The following CHST1 variants were observed in gnomAD, a reference collection of about 807,000 sequenced individuals.
CHST1 encodes the protein Keratan sulfotransferase.
A neutral mutation model predicts 22.5 loss-of-function variants in CHST1; 10 were observed. The ratio of observed to expected loss-of-function variants is 0.44; its 90% confidence interval spans 0.27 to 0.75. CHST1 has a LOEUF of 0.75. Ranked by LOEUF, CHST1 falls within the 30% of genes least tolerant of loss-of-function variation. The probability of loss-of-function intolerance (pLI) is 0.15; values close to 1 mark genes in which losing one functional copy is unlikely to be tolerated. For missense variants in CHST1, 439 were observed against 576.1 expected (o/e 0.76, Z 2.44); for synonymous variants, 267 against 264.5 (o/e 1.01, Z -0.09).
In CHST1 at chr11:45,650,126, G is replaced by T; in HGVS notation, c.798C>A (p.Asn266Lys). Reference sequence around the variant, plus strand: ...CCGTGGTCAGCTGCGTCACGTCCAGGTTGTAGGGTTTCCTCCCGGTGCCGT... The same window carrying T: ...CCGTGGTCAGCTGCGTCACGTCCAGTTTGTAGGGTTTCCTCCCGGTGCCGT... The part of the protein sequence containing the change: ...LWYGTGRKPY[N>K]LDVTQLTTVC... The change falls in exon 4 of 4, where the codon AAC (asparagine) becomes AAA (lysine). Residue 266 changes from asparagine (N) to lysine (K), a missense_variant. Transcript: ENST00000308064. 1 of 1,613,984 alleles carries T rather than the reference G, an allele frequency of 6.2e-7. No homozygotes were observed. Among genetic ancestry groups the T allele is most frequent in the Non-Finnish European group, 8.5e-7 (1 of 1,180,022 alleles).
At chr11:45,652,688 C>T (rs1287516983) in intron 1 of CHST1, 82 bp from the exon 2 acceptor site, 1 of 152,264 alleles carries the variant, frequency 6.6e-6, no homozygotes, top group African/African-American at 2.4e-5. Flanking sequence ...ACACCAAGAT[C>T]GCCACATTAT....
chr11:45,651,006 G>C, intron 3 of CHST1, 41 bp from the exon 4 acceptor site: 2 of 1,421,996 alleles, frequency 1.4e-6, no homozygotes, highest in Non-Finnish European at 9.3e-7. Flanking sequence ...CCTCCACGGC[G>C]GGGGCACTGG....
chr11:45,651,011 C>T (rs1295254061), intron 3 of CHST1, 46 bp from the exon 4 acceptor site: 5 of 1,405,170 alleles, frequency 3.6e-6, no homozygotes, highest in Non-Finnish European at 4.7e-6. Flanking sequence ...ACGGCGGGGG[C>T]ACTGGCTTGT....
rs551508144 is a variant in CHST1, at chr11:45,664,297, G to A, written c.-227+881C>T. Among the ~76,000 whole-genome samples, 7 of 152,288 alleles carry A rather than the reference G, an allele frequency of 4.6e-5. No homozygotes were observed. The East Asian group carries it at 1.2e-3, about 25-fold the overall frequency. ...GGCCCAAGCCCGTCTTCAGGCACCT[G>A]GACCCTAGGAGTGGCCCTTCCTAGG... On this transcript the variant is annotated intron_variant, in intron 1 of 3. Coordinates refer to ENST00000308064, the MANE Select transcript of CHST1 (RefSeq NM_003654.6).
In CHST1 at chr11:45,665,005, C is replaced by T. The variant is rs45486999; in HGVS notation, c.-227+173G>A. Among the ~76,000 whole-genome samples, 45,577 of 151,802 alleles carry T rather than the reference C, an allele frequency of 0.3. 7,568 individuals carry two copies. Among genetic ancestry groups the T allele is most frequent in the Middle Eastern group, 0.46 (132 of 290 alleles). On this transcript the variant is annotated intron_variant, in intron 1 of 3. Coordinates refer to ENST00000308064, the MANE Select transcript of CHST1 (RefSeq NM_003654.6). The surrounding 1 kb of genome is among the most constrained non-coding windows in gnomAD (Gnocchi z 4.0). ...CACCGGCCACCAGCCCCGGCAGCCC[C>T]TTCCTGCGCCCAACACGCCGCCGTT...
In CHST1 at chr11:45,665,616, T is replaced by G. The variant is rs12225606; in HGVS notation, c.-665A>C. 143,416 of 151,138 alleles carry G rather than the reference T, an allele frequency of 0.95. 68,065 individuals carry two copies. The highest frequency in any genetic ancestry group is 1 in the East Asian group (5,031 of 5,040). 9.4% of individuals were successfully genotyped at this position (151,138 alleles called of 1,614,324 possible). ...CAGCGGCGGCAGCGGCGGCTACAGC[T>G]CCGAGCGAGCGGCAGGCGCTGCGGT... On this transcript the variant is annotated 5_prime_UTR_variant, in exon 1 of 4. Transcript: ENST00000308064. This position sits in a 1 kb window ranked among gnomAD's most constrained non-coding sequence, Gnocchi z 4.0.
chr11:45,654,345 G>T (rs956942714), intron 1 of CHST1, among the ~76,000 whole-genome samples: 6 of 152,226 alleles, frequency 3.9e-5, no homozygotes, highest in African/African-American at 1.4e-4. Flanking sequence ...CCTGGACACC[G>T]AGGAGGGGCA....
intron 1 of CHST1, among the ~76,000 whole-genome samples, chr11:45,661,588 G>A (rs1278449208): frequency 6.6e-6 from 1 of 152,252 alleles, no homozygotes; most frequent in Non-Finnish European, 1.5e-5. Context: ...GTAGCTGAGA[G>A]AGGCTACAAC....
intron 3 of CHST1, 177 bp downstream of exon 3, chr11:45,651,816 G>A (rs1852002437): frequency 6.6e-6 from 1 of 152,330 alleles, no homozygotes; most frequent in African/African-American, 2.4e-5. Flanking sequence ...CACAGAAGGG[G>A]GACTGGGGAG....
intron 1 of CHST1, among the ~76,000 whole-genome samples, chr11:45,655,945 G>C (rs1852056780): frequency 6.6e-6 from 1 of 152,246 alleles, no homozygotes; most frequent in South Asian, 2.1e-4. Context: ...TCCATTGGGA[G>C]TGGGAAAAAC....
Position 45,663,492 on chromosome 11 carries a change from T to C in CHST1, c.-227+1686A>G, listed in dbSNP as rs567816681. 3.3e-5 allele frequency among the ~76,000 whole-genome samples: 5 copies of C among 152,314 alleles called. No individual in the cohort carries two copies. The East Asian group carries it at 9.7e-4, about 29-fold the overall frequency. ...GGGAGGAAACCCCTGGCCAAAAGCA[T>C]TGCAACTACTCAGCAAAGAGGGAGA... On this transcript the variant is annotated intron_variant, in intron 1 of 3. Transcript: ENST00000308064.
chr11:45,662,603 C>T (rs1007483471), intron 1 of CHST1, among the ~76,000 whole-genome samples: 1 of 152,204 alleles, frequency 6.6e-6, no homozygotes, highest in African/African-American at 2.4e-5. Flanking sequence ...AATGTCCTGA[C>T]TTAATTCCTA....
rs1296531264 is a variant in CHST1 at position 45,647,972 on chromosome 11, A to G, written c.*1716T>C. Among the ~76,000 whole-genome samples, 1 of 152,176 alleles carries G rather than the reference A, an allele frequency of 6.6e-6. No homozygotes were observed. Among genetic ancestry groups the G allele is most frequent in the East Asian group, 1.9e-4 (1 of 5,188 alleles). On this transcript the variant is annotated 3_prime_UTR_variant, in exon 4 of 4. Transcript: ENST00000308064. ...TAATCACCAGACACTCCTTTGTCCC[A>G]GGACAACAAAGCTGTGACCTGCAGC...
intron 1 of CHST1, among the ~76,000 whole-genome samples, chr11:45,657,134 G>C (rs923266511): frequency 6.6e-4 from 101 of 152,316 alleles, no homozygotes; most frequent in African/African-American, 2.3e-3. Context: ...GAATGGGACA[G>C]GGAGGGAGGA....
intron 1 of CHST1, among the ~76,000 whole-genome samples, chr11:45,653,119 A>G (rs1187272882): frequency 6.6e-6 from 1 of 152,128 alleles, no homozygotes; most frequent in Non-Finnish European, 1.5e-5. Flanking sequence ...GATTCTTCCC[A>G]CACCCCACTA....
intron 1 of CHST1, among the ~76,000 whole-genome samples, chr11:45,654,221 A>G (rs1415515903): frequency 1.3e-5 from 2 of 152,220 alleles, no homozygotes; most frequent in Non-Finnish European, 2.9e-5. Context: ...ATCCACCCAG[A>G]GAAACTTAAG....
intron 1 of CHST1, among the ~76,000 whole-genome samples, chr11:45,661,516 G>A (rs375675530): frequency 3.3e-5 from 5 of 152,350 alleles, no homozygotes; most frequent in East Asian, 1.9e-4. Context: ...TGGGGGTGCC[G>A]GCAGCAGCTG....
chr11:45,654,467 C>A (rs1387896887), intron 1 of CHST1, among the ~76,000 whole-genome samples: 1 of 152,254 alleles, frequency 6.6e-6, no homozygotes, highest in African/African-American at 2.4e-5. Flanking sequence ...AATGTCCCCG[C>A]TCTCCCAGCC....
At position 45,650,215 on chromosome 11, in the gene CHST1, G is replaced by T. The variant is rs1208095218; in HGVS notation, c.709C>A (p.Arg237Ser). Reference sequence around the variant, plus strand: ...TCGCTGCGCGAAGCCAGAATGCCGCGGGGGTCTCGGACCAGCTGGATGACC... The same window carrying T: ...TCGCTGCGCGAAGCCAGAATGCCGCTGGGGTCTCGGACCAGCTGGATGACC... ...LKVIQLVRDPRGILASRSETF... is the reference protein window; with the variant it reads ...LKVIQLVRDPSGILASRSETF... The change falls in exon 4 of 4, where the codon CGC becomes AGC. Residue 237 changes from arginine (R) to serine (S), a missense_variant. By Grantham distance (110) the Arg-to-Ser change is moderately radical. Coordinates refer to ENST00000308064, the MANE Select transcript of CHST1 (RefSeq NM_003654.6). 1 of 1,610,372 alleles carries T rather than the reference G, an allele frequency of 6.2e-7. No individual in the cohort carries two copies. Among genetic ancestry groups the T allele is most frequent in the Non-Finnish European group, 8.5e-7 (1 of 1,179,946 alleles).
Sources: allele counts gnomAD v4.1 joint callset (sites outside exome capture counted in the v4.1 genomes callset), GRCh38; gene constraint gnomAD v4.1.1; non-coding constraint Gnocchi (gnomAD v3.1); transcripts MANE v1.5; gene names NCBI Gene and HGNC (gene_info 2026-07-23, HGNC 2026-07-21).